Variants in SNTG1 observed in about 807,000 individuals in gnomAD.
SNTG1 encodes the protein syntrophin gamma 1.
Under a neutral mutation model 74.7 loss-of-function variants are expected in SNTG1, and 39 were observed. The observed-to-expected ratio is 0.52, with a 90% CI of 0.40 to 0.68. SNTG1 has a LOEUF of 0.68. Ranked by LOEUF, SNTG1 falls within the 30% of genes least tolerant of loss-of-function variation. SNTG1 has a pLI of 0.00. For missense variants in SNTG1, 685 were observed against 609.5 expected (o/e 1.12, Z -1.30); for synonymous variants, 254 against 217.1 (o/e 1.17, Z -1.49).
chr8:50,004,447 G>A (rs1815025113), intron 1 of SNTG1, among the ~76,000 whole-genome samples: 1 of 152,090 alleles, frequency 6.6e-6, no homozygotes, highest in African/African-American at 2.4e-5. Flanking sequence ...ATATTTTCCA[G>A]AATCTAGAGG....
chr8:50,296,789 A>C (rs2089399129), intron 2 of SNTG1, among the ~76,000 whole-genome samples: 1 of 152,122 alleles, frequency 6.6e-6, no homozygotes, highest in South Asian at 2.1e-4. Context: ...AAAAAATAAA[A>C]AGACAGAGAA....
intron 2 of SNTG1, among the ~76,000 whole-genome samples, chr8:50,328,927 A>G (rs2090855574): frequency 6.6e-6 from 1 of 152,230 alleles, no homozygotes; most frequent in African/African-American, 2.4e-5. Context: ...GTCAAAAACA[A>G]GTTAGGTACT....
intron 13 of SNTG1, among the ~76,000 whole-genome samples, chr8:50,655,611 A>C (rs2095175262): frequency 6.6e-6 from 1 of 152,190 alleles, no homozygotes; most frequent in Admixed American, 6.6e-5. Flanking sequence ...TTTATAGCTC[A>C]TAGGCTTATT....
At chr8:49,988,707 T>C (rs1010855182) in intron 1 of SNTG1, among the ~76,000 whole-genome samples, 7 of 152,142 alleles carry the variant, frequency 4.6e-5, no homozygotes, top group Admixed American at 1.3e-4. Flanking sequence ...TTGCACAAAA[T>C]ACTTTGATAT....
intron 1 of SNTG1, among the ~76,000 whole-genome samples, chr8:50,067,886 A>G (rs1324019090): frequency 6.6e-6 from 1 of 152,164 alleles, no homozygotes; most frequent in Non-Finnish European, 1.5e-5. Flanking sequence ...GTCTCCATCA[A>G]CCGTTGCTGC....
At chr8:49,932,212 T>C (rs889712414) in intron 1 of SNTG1, among the ~76,000 whole-genome samples, 3 of 152,152 alleles carry the variant, frequency 2.0e-5, no homozygotes, top group African/African-American at 7.2e-5. Flanking sequence ...TTAGTTCCTA[T>C]TACAGCTTCT....
At chr8:50,646,272 G>A (rs2095108568) in intron 13 of SNTG1, among the ~76,000 whole-genome samples, 1 of 152,150 alleles carries the variant, frequency 6.6e-6, no homozygotes, top group Non-Finnish European at 1.5e-5. Context: ...TAAGCTTGAG[G>A]CAGCATCTCT....
chr8:50,635,030 C>T (rs2095029935), intron 13 of SNTG1, among the ~76,000 whole-genome samples: 1 of 152,100 alleles, frequency 6.6e-6, no homozygotes, highest in Admixed American at 6.6e-5. Flanking sequence ...ATGCTCCTCC[C>T]AAATGTAAAA....
chr8:50,384,488 A>T (rs969410362), intron 2 of SNTG1, among the ~76,000 whole-genome samples: 1 of 152,074 alleles, frequency 6.6e-6, no homozygotes, highest in South Asian at 2.1e-4. Flanking sequence ...CCTTTCCATG[A>T]TGTAAGTGTG....
intron 8 of SNTG1, among the ~76,000 whole-genome samples, chr8:50,470,524 G>A (rs996139533): frequency 2.0e-5 from 3 of 152,092 alleles, no homozygotes; most frequent in Non-Finnish European, 4.4e-5. Context: ...CGTAGTGAGT[G>A]TTACAGCTCT....
At chr8:50,496,910 T>A (rs572685139) in intron 8 of SNTG1, among the ~76,000 whole-genome samples, 11 of 151,828 alleles carry the variant, frequency 7.2e-5, no homozygotes, top group African/African-American at 2.7e-4. Flanking sequence ...ATTCAAGATA[T>A]AGAACCTGTA....
intron 1 of SNTG1, among the ~76,000 whole-genome samples, chr8:50,140,463 G>T (rs1287031727): frequency 6.6e-6 from 1 of 152,104 alleles, no homozygotes; most frequent in Non-Finnish European, 1.5e-5. Context: ...GTGTATGTGG[G>T]TGTAAGAGTG....
intron 12 of SNTG1, among the ~76,000 whole-genome samples, chr8:50,580,620 T>A (rs545483460): frequency 6.6e-6 from 1 of 152,220 alleles, no homozygotes; most frequent in African/African-American, 2.4e-5. Flanking sequence ...TCTCAGGAGA[T>A]CTGATGGTTT....
At chr8:50,509,526 T>C (rs1343216246) in intron 9 of SNTG1, among the ~76,000 whole-genome samples, 1 of 152,200 alleles carries the variant, frequency 6.6e-6, no homozygotes, top group Non-Finnish European at 1.5e-5. Flanking sequence ...ATTTTCACGA[T>C]ATTGATTCTT....
At chr8:50,621,163 T>G (rs2094920922) in intron 13 of SNTG1, among the ~76,000 whole-genome samples, 1 of 152,110 alleles carries the variant, frequency 6.6e-6, no homozygotes, top group Non-Finnish European at 1.5e-5. Context: ...TACTCTATTT[T>G]TCTCAGATCT....
chr8:50,254,608 G>C (rs1440893200), intron 2 of SNTG1, among the ~76,000 whole-genome samples: 2 of 152,164 alleles, frequency 1.3e-5, no homozygotes, highest in Non-Finnish European at 2.9e-5. Flanking sequence ...GCACTTTGGA[G>C]ACTGAGGCCA....
At chr8:50,300,413 TATCTTAA>T (rs2089595579) in intron 2 of SNTG1, among the ~76,000 whole-genome samples, 1 of 152,140 alleles carries the variant, frequency 6.6e-6, no homozygotes, top group Non-Finnish European at 1.5e-5. Flanking sequence ...CTGAAAAACA[TATCTTAA>T]ATCTGTGCCC....
At chr8:50,742,771 A>T (rs2095546345) in intron 17 of SNTG1, among the ~76,000 whole-genome samples, 1 of 151,836 alleles carries the variant, frequency 6.6e-6, no homozygotes, top group South Asian at 2.1e-4. Flanking sequence ...AAATAACAAA[A>T]TTTATAAGTC....
chr8:50,765,080 T>C (rs1429428383), intron 18 of SNTG1, among the ~76,000 whole-genome samples: 1 of 151,862 alleles, frequency 6.6e-6, no homozygotes, highest in Non-Finnish European at 1.5e-5. Context: ...AGAAGAGAAG[T>C]AGTATTTACA....
Sources: gnomAD v4.1 joint callset for allele counts (sites outside exome capture counted in the v4.1 genomes callset) on GRCh38, gnomAD v4.1.1 for gene constraint, MANE v1.5 for transcripts, NCBI Gene and HGNC (gene_info 2026-07-23, HGNC 2026-07-21) for gene names.